The following TLE1 variants were observed in gnomAD, a reference collection of about 807,000 sequenced individuals.
TLE1 encodes the protein transducin-like enhancer protein 1.
A neutral mutation model predicts 89.8 loss-of-function variants in TLE1; 21 were observed. That is an observed-to-expected ratio of 0.23 (90% CI 0.17 to 0.34). The LOEUF (loss-of-function observed/expected upper bound fraction) is 0.34. Among genes scored for constraint, TLE1 ranks in the 10% least tolerant of loss-of-function variants. The probability of loss-of-function intolerance (pLI) is 1.00; values close to 1 mark genes in which losing one functional copy is unlikely to be tolerated. For missense variants in TLE1, 795 were observed against 1,031.2 expected, an observed-to-expected ratio of 0.77 and a Z score of 3.14; for synonymous variants, 447 against 407.6, an observed-to-expected ratio of 1.10 and a Z score of -1.16.
At position 81,587,844 on chromosome 9, in the gene TLE1, A is replaced by C; in HGVS notation, c.1830-16T>G. ...CTGGAATTGCCTGATAAAACAAACC[A>C]GATTGAATAATGATTTCCTGCCAGA... is the stretch of plus-strand genomic sequence containing the variant. On this transcript the variant is annotated splice_polypyrimidine_tract_variant and intron_variant, in intron 16 of 19. Transcript: ENST00000376499. The C allele has an allele frequency of 6.2e-7, 1 of 1,609,012 alleles. No individual in the cohort carries two copies.
At chr9:81,658,503 T>C (rs1043088035) in intron 4 of TLE1, among the ~76,000 whole-genome samples, 4 of 152,184 alleles carry the variant, frequency 2.6e-5, no homozygotes, top group African/African-American at 9.6e-5. Flanking sequence ...GCCAGGTCTC[T>C]AAACCCTAAT....
At chr9:81,599,904 TA>T (rs1649025110) in intron 14 of TLE1, 3 of 506,160 alleles carry the variant, frequency 5.9e-6, no homozygotes, top group African/African-American at 1.9e-5. Flanking sequence ...TATTTTCATT[TA>T]TTTTTTTTAA....
chr9:81,587,614 T>C, intron 17 of TLE1, 67 bp downstream of exon 17: 3 of 1,508,108 alleles, frequency 2.0e-6, no homozygotes, highest in Admixed American at 2.2e-5. Flanking sequence ...GGAGGGAGGG[T>C]TGTGAGGAGG....
chr9:81,593,444 T>G (rs147053908), intron 14 of TLE1, among the ~76,000 whole-genome samples, 170 bp from the exon 15 acceptor site: 7 of 152,304 alleles, frequency 4.6e-5, no homozygotes, highest in African/African-American at 9.6e-5. Context: ...GGTGCAAATT[T>G]AAAATAATTA....
intron 12 of TLE1, 63 bp from the exon 13 acceptor site, chr9:81,612,022 G>C (rs1823782129): frequency 7.9e-7 from 1 of 1,271,992 alleles, no homozygotes; most frequent in Non-Finnish European, 1.0e-6. Context: ...TGACCAGCAA[G>C]TCTGGCCTCA....
At chr9:81,659,031 C>G (rs1830460220) in intron 4 of TLE1, among the ~76,000 whole-genome samples, 1 of 152,014 alleles carries the variant, frequency 6.6e-6, no homozygotes, top group Non-Finnish European at 1.5e-5. Flanking sequence ...TCCTCAGCCT[C>G]GCGAGTAGCT....
At chr9:81,636,830 C>T (rs1827427126) in intron 6 of TLE1, among the ~76,000 whole-genome samples, 1 of 152,052 alleles carries the variant, frequency 6.6e-6, no homozygotes, top group African/African-American at 2.4e-5. Flanking sequence ...TGGTGAAACC[C>T]CGTCTCTACT....
intron 19 of TLE1, 50 bp from the exon 20 acceptor site, chr9:81,584,355 A>G (rs752036814): frequency 5.6e-6 from 9 of 1,607,464 alleles, no homozygotes; most frequent in Middle Eastern, 1.7e-4. Context: ...AACGGTACTC[A>G]GAGGCCCTGC....
In TLE1 at chr9:81,684,347, A is replaced by C. The variant is rs1175745497; in HGVS notation, c.234+1329T>G. 6.6e-5 allele frequency among the ~76,000 whole-genome samples: 10 copies of C among 151,958 alleles called. No individual in the cohort carries two copies. The East Asian group carries it at 1.9e-3, about 30-fold the overall frequency. On this transcript the variant is annotated intron_variant, in intron 4 of 19. Transcript: ENST00000376499. ...CATAAAGTAGGCTACCAACTTTGTA[A>C]ATCATAGTAAAATCTGCATTTTTAA...
intron 14 of TLE1, among the ~76,000 whole-genome samples, chr9:81,602,491 G>T (rs1335766463): frequency 6.6e-6 from 1 of 152,160 alleles, no homozygotes. Context: ...GCCTGAAGGT[G>T]ATTTTAGTTT....
chr9:81,641,065 C>T (rs949558422), intron 6 of TLE1, among the ~76,000 whole-genome samples: 11 of 152,254 alleles, frequency 7.2e-5, no homozygotes, highest in Middle Eastern at 3.4e-3. Flanking sequence ...TTATAGCACC[C>T]GGTATTTAAA....
At chr9:81,614,800 C>G (rs1824204991) in intron 11 of TLE1, among the ~76,000 whole-genome samples, 1 of 151,934 alleles carries the variant, frequency 6.6e-6, no homozygotes, top group African/African-American at 2.4e-5. Flanking sequence ...ACTGATCTGA[C>G]GAGCTCCATA....
chr9:81,675,697 A>ATTTTTTTTT (rs1832783096), intron 4 of TLE1, among the ~76,000 whole-genome samples: 3 of 99,818 alleles, frequency 3.0e-5, no homozygotes, highest in Admixed American at 9.4e-5. Context: ...GACTCACACT[A>ATTTTTTTTT]GTTTTTTTTT....
At chr9:81,649,495 G>C (rs1422398449) in intron 6 of TLE1, among the ~76,000 whole-genome samples, 1 of 152,142 alleles carries the variant, frequency 6.6e-6, no homozygotes, top group Non-Finnish European at 1.5e-5. Flanking sequence ...GTACCTTAAA[G>C]GGAATGAGAA....
At chr9:81,673,306 C>A (rs1432866573) in intron 4 of TLE1, among the ~76,000 whole-genome samples, 8 of 128,948 alleles carry the variant, frequency 6.2e-5, no homozygotes, top group African/African-American at 1.4e-4. Context: ...AGACTGCCAA[C>A]AAGTCCTTTT....
chr9:81,587,909 T>TGTGTGTGTGTGTGTGTGTGTCATCCCGC, intron 16 of TLE1, 81 bp from the exon 17 acceptor site: 1 of 720,290 alleles, frequency 1.4e-6, no homozygotes, highest in Non-Finnish European at 1.9e-6. Flanking sequence ...TTTTGGACCG[T>TGTGTGTGTGTGTGTGTGTGTCATCCCGC]GTGTGTGTGT....
chr9:81,625,540 A>G (rs1265085110), intron 8 of TLE1, among the ~76,000 whole-genome samples: 2 of 151,828 alleles, frequency 1.3e-5, no homozygotes. Context: ...CGAGAGGCCA[A>G]TATATTCTTT....
chr9:81,611,174 A>G (rs559728000), intron 13 of TLE1, among the ~76,000 whole-genome samples: 2 of 152,296 alleles, frequency 1.3e-5, no homozygotes, highest in African/African-American at 4.8e-5. Context: ...TTCTTGTTCA[A>G]AAATTAGATC....
chr9:81,600,866 C>G (rs145165959), intron 14 of TLE1, among the ~76,000 whole-genome samples: 1 of 152,176 alleles, frequency 6.6e-6, no homozygotes, highest in South Asian at 2.1e-4. Flanking sequence ...AGAGGAGGAG[C>G]AAGTGTGCCC....
Sources: gnomAD v4.1 joint callset for allele counts (sites outside exome capture counted in the v4.1 genomes callset) on GRCh38, gnomAD v4.1.1 for gene constraint, MANE v1.5 for transcripts, NCBI Gene and HGNC (gene_info 2026-07-23, HGNC 2026-07-21) for gene names.